Variants in DIAPH2 observed in about 807,000 individuals in gnomAD.
DIAPH2 encodes the protein protein diaphanous homolog 2.
In DIAPH2, 35 loss-of-function variants were observed where a neutral mutation model predicts 92.7. The ratio of observed to expected loss-of-function variants is 0.38; its 90% CI spans 0.29 to 0.50. The LOEUF is 0.50. DIAPH2 is among the 20% of genes least tolerant of loss of function. The pLI is 0.94. For missense variants in DIAPH2, 701 were observed against 819.5 expected, an observed-to-expected ratio of 0.86 and a Z score of 1.77; for synonymous variants, 301 against 280.4, an observed-to-expected ratio of 1.07 and a Z score of -0.73.
intron 23 of DIAPH2, among the ~76,000 whole-genome samples, chrX:97,282,530 C>T (rs1188321105): frequency 2.7e-5 from 3 of 111,133 alleles, no homozygotes; most frequent in African/African-American, 9.8e-5. Context: ...AGGCTGGTCT[C>T]GAACCCCTGA....
chrX:96,919,916 C>T (rs1434560810), intron 9 of DIAPH2, among the ~76,000 whole-genome samples: 1 of 108,657 alleles, frequency 9.2e-6, no homozygotes. Flanking sequence ...TGGAGTCTCA[C>T]TCTGTTGCTC....
At chrX:97,449,716 C>CA (rs1356356673) in intron 26 of DIAPH2, 1 of 728,107 alleles carries the variant, frequency 1.4e-6, no homozygotes, top group Non-Finnish European at 1.6e-6. Flanking sequence ...GTGAGAGCTG[C>CA]AGCCAAAGGG....
chrX:97,466,414 C>G (rs1408235346), intron 26 of DIAPH2, among the ~76,000 whole-genome samples: 1 of 110,314 alleles, frequency 9.1e-6, no homozygotes, highest in African/African-American at 3.3e-5. Flanking sequence ...CCAGTTAAAT[C>G]TATAGTTAGG....
chrX:96,747,972 C>T (rs1037759702), intron 3 of DIAPH2, among the ~76,000 whole-genome samples: 9 of 111,580 alleles, frequency 8.1e-5, no homozygotes, highest in African/African-American at 6.5e-5. Flanking sequence ...TATCATTAGA[C>T]GGAGATAATG....
chrX:96,698,911 A>C (rs1247208833), intron 1 of DIAPH2, among the ~76,000 whole-genome samples: 10 of 105,384 alleles, frequency 9.5e-5, no homozygotes, highest in Non-Finnish European at 1.9e-4. Flanking sequence ...TTTTTTTTTC[A>C]GTAGAGACAG....
chrX:96,801,362 A>G (rs2064581197), intron 4 of DIAPH2, among the ~76,000 whole-genome samples: 1 of 112,170 alleles, frequency 8.9e-6, no homozygotes, highest in South Asian at 3.7e-4. Context: ...GAAGTCTTTT[A>G]TCTCTTTGAG....
chrX:97,523,282 G>A (rs2071003226), intron 26 of DIAPH2, among the ~76,000 whole-genome samples: 2 of 111,397 alleles, frequency 1.8e-5, no homozygotes, highest in African/African-American at 6.5e-5. Flanking sequence ...TAGACTCATG[G>A]GGGATTCCTT....
At chrX:97,221,321 GT>G in intron 22 of DIAPH2, among the ~76,000 whole-genome samples, 1 of 111,805 alleles carries the variant, frequency 8.9e-6, no homozygotes. Flanking sequence ...AACGTATTGT[GT>G]TAGGTCAAAC....
At chrX:97,005,397 A>G (rs1214060143) in intron 17 of DIAPH2, among the ~76,000 whole-genome samples, 1 of 108,182 alleles carries the variant, frequency 9.2e-6, no homozygotes, top group Non-Finnish European at 1.9e-5. Flanking sequence ...TGTTTGGTAG[A>G]ATTTAGCAGT....
chrX:97,148,385 A>G (rs999084621), intron 22 of DIAPH2, among the ~76,000 whole-genome samples: 4 of 112,237 alleles, frequency 3.6e-5, no homozygotes, highest in Non-Finnish European at 7.5e-5. Flanking sequence ...TAATCTTTCT[A>G]GCTCCATTTT....
intron 4 of DIAPH2, among the ~76,000 whole-genome samples, chrX:96,852,173 G>A (rs1371040393): frequency 8.9e-6 from 1 of 111,974 alleles, no homozygotes; most frequent in Non-Finnish European, 1.9e-5. Context: ...ATGAACATCA[G>A]ATTTCTCTTT....
chrX:97,411,662 G>A (rs2069875102), intron 25 of DIAPH2, among the ~76,000 whole-genome samples: 1 of 111,975 alleles, frequency 8.9e-6, no homozygotes, highest in South Asian at 3.8e-4. Context: ...AGACACATCT[G>A]ATGTGCAGAG....
At chrX:97,181,558 T>C (rs1330374404) in intron 22 of DIAPH2, among the ~76,000 whole-genome samples, 1 of 111,819 alleles carries the variant, frequency 8.9e-6, no homozygotes, top group Non-Finnish European at 1.9e-5. Context: ...ATTACAGGCA[T>C]GCGCCACCAC....
At chrX:97,307,316 T>A (rs2068755185) in intron 23 of DIAPH2, among the ~76,000 whole-genome samples, 1 of 112,018 alleles carries the variant, frequency 8.9e-6, no homozygotes. Flanking sequence ...TCAGGTTTAA[T>A]CCTTGTGTCT....
intron 4 of DIAPH2, among the ~76,000 whole-genome samples, chrX:96,815,642 C>T (rs1264281894): frequency 3.6e-5 from 4 of 111,603 alleles, no homozygotes; most frequent in Non-Finnish European, 7.5e-5. Flanking sequence ...GGAGCTGTTC[C>T]TATTCGGCCA....
chrX:96,947,889 T>G (rs1317676992), intron 14 of DIAPH2, among the ~76,000 whole-genome samples: 1 of 112,303 alleles, frequency 8.9e-6, no homozygotes, highest in Non-Finnish European at 1.9e-5. Flanking sequence ...ACTGGAAATA[T>G]GCAGGCAGGT....
intron 22 of DIAPH2, among the ~76,000 whole-genome samples, chrX:97,181,091 A>G (rs1393643761): frequency 2.7e-5 from 3 of 109,141 alleles, no homozygotes; most frequent in African/African-American, 1.0e-4. Context: ...GTTGTTTTTG[A>G]TGGGTTCTTG....
At chrX:96,996,576 A>T (rs1344330523) in intron 17 of DIAPH2, among the ~76,000 whole-genome samples, 1 of 111,884 alleles carries the variant, frequency 8.9e-6, no homozygotes, top group Non-Finnish European at 1.9e-5. Context: ...TTGTCTAATG[A>T]TAAGGCCAGA....
intron 23 of DIAPH2, among the ~76,000 whole-genome samples, chrX:97,281,097 G>C (rs1228516076): frequency 8.9e-6 from 1 of 111,897 alleles, no homozygotes; most frequent in Non-Finnish European, 1.9e-5. Context: ...CTAATTTCAA[G>C]AGTAAAACTC....
Sources: gnomAD v4.1 joint callset for allele counts (sites outside exome capture counted in the v4.1 genomes callset) on GRCh38, gnomAD v4.1.1 for gene constraint, MANE v1.5 for transcripts, NCBI Gene and HGNC (gene_info 2026-07-23, HGNC 2026-07-21) for gene names.